Variants in SMARCAL1 observed in about 807,000 individuals in gnomAD.
The protein encoded by SMARCAL1 is ATP-driven annealing helicase.
SMARCAL1 carries 58 observed loss-of-function variants against 94.5 expected under a neutral mutation model. That is an observed-to-expected ratio of 0.61 (90% CI 0.50 to 0.76). The LOEUF (loss-of-function observed/expected upper bound fraction) is 0.76. Among genes scored for constraint, SMARCAL1 ranks in the 30% least tolerant of loss-of-function variants. SMARCAL1 has a pLI of 0.00. For synonymous variants in SMARCAL1, 422 were observed against 455.1 expected, an observed-to-expected ratio of 0.93 and a Z score of 0.93; for missense variants, 1,051 against 1,177.9, an observed-to-expected ratio of 0.89 and a Z score of 1.58.
At chr2:216,440,786 T>C (rs1392802497) in intron 10 of SMARCAL1, among the ~76,000 whole-genome samples, 1 of 152,178 alleles carries the variant, frequency 6.6e-6, no homozygotes. Context: ...GACTCTGTTG[T>C]TGGGGGGCTG....
At position 216,464,467 on chromosome 2, in the gene SMARCAL1, G is replaced by T; in HGVS notation, c.2071-130G>T. Reference sequence around the variant, plus strand: ...CAAAGTGAAAGGGGAATCATTGTCAGCACCAGGGTCTCCTGACTCTGGTGA... The same window carrying T: ...CAAAGTGAAAGGGGAATCATTGTCATCACCAGGGTCTCCTGACTCTGGTGA... On this transcript the variant is annotated intron_variant, in intron 12 of 17. Transcript: ENST00000357276. The T allele has an allele frequency of 7.6e-6, 6 of 786,922 alleles. No homozygotes were observed. The South Asian group carries it at 8.2e-5, about 11-fold the overall frequency. 48.7% of individuals were successfully genotyped at this position (786,922 alleles called of 1,614,324 possible).
intron 6 of SMARCAL1, chr2:216,427,453 A>G (rs537881167): frequency 6.6e-6 from 1 of 152,350 alleles, no homozygotes; most frequent in East Asian, 1.9e-4. Flanking sequence ...CAGGTATTTG[A>G]GTTCTGAAGA....
chr2:216,443,979 G>C (rs1455710234), intron 10 of SMARCAL1, among the ~76,000 whole-genome samples: 6 of 152,174 alleles, frequency 3.9e-5, no homozygotes, highest in Non-Finnish European at 8.8e-5. Context: ...CTCTTTTGTA[G>C]CTCCTTGTAT....
intron 12 of SMARCAL1, 33 bp from the exon 13 acceptor site, chr2:216,464,564 G>A (rs769593419): frequency 3.3e-6 from 5 of 1,512,368 alleles, no homozygotes; most frequent in African/African-American, 1.4e-5. Flanking sequence ...CTCAGACTGG[G>A]GCACTTAACA....
intron 15 of SMARCAL1, among the ~76,000 whole-genome samples, chr2:216,476,282 A>G (rs1011550192): frequency 6.6e-6 from 1 of 151,810 alleles, no homozygotes; most frequent in African/African-American, 2.4e-5. Context: ...TAGCCATTTT[A>G]TACAAGAAAT....
At chr2:216,469,989 T>TTTTA (rs577819402) in intron 14 of SMARCAL1, among the ~76,000 whole-genome samples, 16 of 152,176 alleles carry the variant, frequency 1.1e-4, no homozygotes, top group South Asian at 2.1e-4. Context: ...ATGTGTATCA[T>TTTTA]TTTATTTATT....
intron 12 of SMARCAL1, among the ~76,000 whole-genome samples, chr2:216,453,703 T>A (rs971880221): frequency 6.6e-6 from 1 of 152,206 alleles, no homozygotes; most frequent in Non-Finnish European, 1.5e-5. Context: ...GAAAGTCCCC[T>A]CTCTCCACTG....
chr2:216,464,464 T>C, intron 12 of SMARCAL1, 133 bp from the exon 13 acceptor site: 1 of 781,560 alleles, frequency 1.3e-6, no homozygotes, highest in Non-Finnish European at 2.3e-6. Context: ...GGAATCATTG[T>C]CAGCACCAGG....
chr2:216,428,517 A>G, intron 6 of SMARCAL1, 79 bp from the exon 7 acceptor site: 3 of 1,381,950 alleles, frequency 2.2e-6, no homozygotes, highest in Non-Finnish European at 3.1e-6. Context: ...AAGGAAATAT[A>G]TATATCCCAA....
chr2:216,450,230 A>G lies in SMARCAL1; in HGVS notation c.1852-616A>G, dbSNP rs570067580. ...CCGTGAGCTCCTCAACGAGGGAGCC[A>G]TGTTTATGAAGGACTGCCTAGGCCC... On this transcript the variant is annotated intron_variant, in intron 11 of 17. Transcript: ENST00000357276. Among the ~76,000 whole-genome samples the G allele has an allele frequency of 2.1e-3, 327 of 152,322 alleles. 1 individual carries two copies. The highest frequency in any genetic ancestry group is 7.6e-3 in the African/African-American group (316 of 41,562).
At chr2:216,414,162 CT>C (rs150382661) in intron 2 of SMARCAL1, 16,748 of 147,336 alleles carry the variant, frequency 0.11, 978 homozygotes, top group South Asian at 0.18. Flanking sequence ...TTGCTTTTTG[CT>C]TTTTTTTTTT....
Position 216,451,021 on chromosome 2 carries a change from C to G in SMARCAL1, c.2027C>G (p.Ala676Gly). 6.2e-7 allele frequency: 1 copy of G among 1,614,170 alleles called. No homozygotes were observed. Among genetic ancestry groups the G allele is most frequent in the Non-Finnish European group, 8.5e-7 (1 of 1,180,004 alleles). ...CGGATCAATGCCAGGACCAGAGCTG[C>G]CCTGGATGCTGCAGCCAAGGAAATG... The part of the protein sequence containing the change: ...PGRINARTRA[A>G]LDAAAKEMTT... Residue 676 changes from alanine (A) to glycine (G), a missense_variant, in exon 12 of 18, where the codon GCC (alanine) becomes GGC (glycine). Ala to Gly is a moderately conservative substitution (Grantham distance 60, BLOSUM62 0). Around this residue, in one of 3 missense-constraint regions of SMARCAL1, gnomAD observed 642 missense variants for 754.7 expected, o/e 0.85. Coordinates refer to ENST00000357276, the MANE Select transcript of SMARCAL1 (RefSeq NM_014140.4).
At position 216,420,436 on chromosome 2, in the gene SMARCAL1, C is replaced by A. The variant is rs758888999; in HGVS notation, c.1000C>A (p.Arg334=). Residue 334 remains arginine (R), a synonymous_variant, in exon 5 of 18, where the codon CGA becomes AGA. Transcript: ENST00000357276. The part of the protein sequence containing the change: ...SAPSLSFVKG[R]CMLISRAYFE... ...TCCATCCCTTTCATTTGTCAAAGGG[C>A]GATGCATGCTCATCTCCAGGGCCTA... 1.2e-6 allele frequency: 2 copies of A among 1,613,946 alleles called. No individual in the cohort carries two copies. The highest frequency in any genetic ancestry group is 2.7e-5 in the African/African-American group (2 of 74,892).
chr2:216,450,890 G>A lies in SMARCAL1; in HGVS notation c.1896G>A (p.Glu632=). The part of the protein sequence containing the change: ...WDYSGSSNLG[E]LKLLLEEAVM... ...ACTCAGGTTCCTCCAACCTGGGAGA[G>A]CTGAAGCTCCTGCTGGAGGAAGCAG... The change falls in exon 12 of 18, where the codon GAG becomes GAA. Residue 632 remains glutamate, a synonymous_variant. Transcript: ENST00000357276. The A allele has an allele frequency of 6.2e-7, 1 of 1,614,220 alleles. No individual in the cohort carries two copies. The highest frequency in any genetic ancestry group is 8.5e-7 in the Non-Finnish European group (1 of 1,180,040).
At chr2:216,423,807 G>A (rs1486530897) in intron 6 of SMARCAL1, 124 bp downstream of exon 6, 10 of 865,858 alleles carry the variant, frequency 1.2e-5, no homozygotes, top group South Asian at 5.5e-5. Flanking sequence ...CTTGAGTACA[G>A]GGTAAGTAAA....
chr2:216,435,644 T>A, intron 9 of SMARCAL1, 148 bp downstream of exon 9: 1 of 751,532 alleles, frequency 1.3e-6, no homozygotes, highest in Non-Finnish European at 2.2e-6. Context: ...TGTGGGGAAC[T>A]GGAAATTCAT....
intron 12 of SMARCAL1, among the ~76,000 whole-genome samples, chr2:216,463,330 T>C (rs2106071502): frequency 6.6e-6 from 1 of 152,280 alleles, no homozygotes; most frequent in African/African-American, 2.4e-5. Flanking sequence ...GTATTGCTCA[T>C]GGTTTTAGGG....
At chr2:216,471,608 C>T (rs1694967316) in intron 14 of SMARCAL1, among the ~76,000 whole-genome samples, 1 of 152,178 alleles carries the variant, frequency 6.6e-6, no homozygotes. Flanking sequence ...CCCACCTTGG[C>T]CTCCCAAAGT....
At position 216,446,209 on chromosome 2, in the gene SMARCAL1, G is replaced by T. The variant is rs909836501; in HGVS notation, c.1711-809G>T. Among the ~76,000 whole-genome samples, 3 of 152,144 alleles carry T rather than the reference G, an allele frequency of 2.0e-5. No individual in the cohort carries two copies. The South Asian group carries it at 6.2e-4, about 32-fold the overall frequency. Reference sequence around the variant, plus strand: ...TGGGTCAGGTTGGTGTCTGGGTAGTGAGGAACTTGGAATCTGTCATTGCTG... The same window carrying T: ...TGGGTCAGGTTGGTGTCTGGGTAGTTAGGAACTTGGAATCTGTCATTGCTG... On this transcript the variant is annotated intron_variant, in intron 10 of 17. Transcript: ENST00000357276.
Sources: allele counts gnomAD v4.1 joint callset (sites outside exome capture counted in the v4.1 genomes callset), GRCh38; gene constraint gnomAD v4.1.1; regional missense constraint gnomAD v4.1.1; transcripts MANE v1.5; gene names NCBI Gene and HGNC (gene_info 2026-07-23, HGNC 2026-07-21).